The following ODAD2 variants were observed in gnomAD, a reference collection of about 807,000 sequenced individuals.
ODAD2 encodes outer dynein arm-docking complex subunit 2.
In ODAD2, 89 loss-of-function variants were observed where a neutral mutation model predicts 106.8. That is an observed-to-expected ratio of 0.83 (90% confidence interval 0.70 to 0.99). ODAD2 has a LOEUF of 0.99. Among genes scored for constraint, ODAD2 ranks in the 50% least tolerant of loss-of-function variants. The pLI is 0.00. For missense variants in ODAD2, 1,168 were observed against 1,238.5 expected (o/e 0.94, Z 0.85); for synonymous variants, 404 against 436.2 (o/e 0.93, Z 0.92).
At chr10:27,813,999 T>C (rs1003676653) in intron 19 of ODAD2, among the ~76,000 whole-genome samples, 8 of 152,178 alleles carry the variant, frequency 5.3e-5, no homozygotes, top group African/African-American at 1.9e-4. Flanking sequence ...TCTCACATCA[T>C]ACATAAATAG....
intron 17 of ODAD2, among the ~76,000 whole-genome samples, chr10:27,898,852 G>A (rs11006764): frequency 0.44 from 67,478 of 151,906 alleles, 16,704 homozygotes; most frequent in Middle Eastern, 0.6. Context: ...TTTTTTGGCT[G>A]TGATAACAAA....
At chr10:27,877,387 C>T (rs367837712) in intron 17 of ODAD2, among the ~76,000 whole-genome samples, 4 of 152,072 alleles carry the variant, frequency 2.6e-5, no homozygotes, top group East Asian at 1.9e-4. Context: ...CCAAAGTCCC[C>T]GTGAGATCAT....
At chr10:27,834,342 C>A (rs1407741151) in intron 19 of ODAD2, among the ~76,000 whole-genome samples, 1 of 152,192 alleles carries the variant, frequency 6.6e-6, no homozygotes, top group South Asian at 2.1e-4. Flanking sequence ...GGCGCTATCC[C>A]TTGGCCTTCT....
chr10:27,872,346 T>C (rs1177625137), intron 17 of ODAD2, among the ~76,000 whole-genome samples: 13 of 152,034 alleles, frequency 8.6e-5, no homozygotes, highest in African/African-American at 3.1e-4. Flanking sequence ...ATACCCTTTA[T>C]TTCTTTCTCC....
rs113664511 is a variant in ODAD2, at chr10:27,986,735, C to T, written c.382+651G>A. The stretch of plus-strand genomic sequence containing the variant: ...TACTTCTACTCATAAGAAACATTTA[C>T]CACACAATTATAGCAGGCAACCACA... On this transcript the variant is annotated intron_variant, in intron 3 of 19. Transcript: ENST00000305242. 5.6e-3 allele frequency among the ~76,000 whole-genome samples: 848 copies of T among 152,312 alleles called. 12 individuals carry two copies. Among genetic ancestry groups the T allele is most frequent in the African/African-American group, 0.019 (786 of 41,556 alleles).
intron 16 of ODAD2, among the ~76,000 whole-genome samples, chr10:27,923,927 G>A (rs1042526616): frequency 7.2e-6 from 1 of 138,108 alleles, no homozygotes; most frequent in African/African-American, 2.7e-5. Flanking sequence ...CCAGGTGATA[G>A]AGAGAGACCC....
At chr10:27,880,082 G>C (rs1361796565) in intron 17 of ODAD2, among the ~76,000 whole-genome samples, 1 of 152,120 alleles carries the variant, frequency 6.6e-6, no homozygotes. Flanking sequence ...AGCTATTTCA[G>C]CTTCATGTTA....
chr10:27,908,474 C>A (rs1404696045), intron 16 of ODAD2, among the ~76,000 whole-genome samples: 1 of 152,162 alleles, frequency 6.6e-6, no homozygotes, highest in African/African-American at 2.4e-5. Context: ...CATAACCTCG[C>A]AGTAAGGTCC....
intron 17 of ODAD2, among the ~76,000 whole-genome samples, chr10:27,869,615 A>G (rs1374697282): frequency 6.6e-6 from 1 of 151,500 alleles, no homozygotes; most frequent in Non-Finnish European, 1.5e-5. Flanking sequence ...GCTCACTGCA[A>G]CTTCCGCCCC....
intron 17 of ODAD2, among the ~76,000 whole-genome samples, chr10:27,879,533 C>A (rs1275679819): frequency 6.6e-6 from 1 of 151,932 alleles, no homozygotes; most frequent in Admixed American, 6.6e-5. Flanking sequence ...ATTCCCTGTT[C>A]AGGTTCAGAC....
At chr10:27,939,245 C>G (rs1479382094) in intron 14 of ODAD2, among the ~76,000 whole-genome samples, 4 of 152,146 alleles carry the variant, frequency 2.6e-5, no homozygotes, top group Non-Finnish European at 5.9e-5. Context: ...GCACCATGTA[C>G]TTATTTATCT....
chr10:27,843,964 C>T (rs1413710283), intron 19 of ODAD2, among the ~76,000 whole-genome samples: 2 of 152,302 alleles, frequency 1.3e-5, no homozygotes, highest in East Asian at 3.9e-4. Context: ...CTTTGGGAAG[C>T]TGAGGTCGGA....
intron 14 of ODAD2, among the ~76,000 whole-genome samples, chr10:27,938,694 G>C (rs1233228991): frequency 6.6e-6 from 1 of 151,498 alleles, no homozygotes; most frequent in African/African-American, 2.4e-5. Context: ...CCACCTCCCA[G>C]GTTCAAGTGA....
rs1835806678 is a variant in ODAD2, at chr10:27,812,366, T to C, written c.*146A>G. On this transcript the variant is annotated 3_prime_UTR_variant, in exon 20 of 20. Coordinates refer to ENST00000305242, the MANE Select transcript of ODAD2 (RefSeq NM_018076.5). ...CCATGCAATTTTCAGATGAAAAACA[T>C]TCTGTGCATTTTCAATTTGTGTGTT... 2 of 685,702 alleles carry C rather than the reference T, an allele frequency of 2.9e-6. No homozygotes were observed. Among genetic ancestry groups the C allele is most frequent in the Non-Finnish European group, 4.7e-6 (2 of 423,226 alleles). 42.5% of individuals were successfully genotyped at this position (685,702 alleles called of 1,614,324 possible).
At chr10:27,909,898 A>G (rs544667423) in intron 16 of ODAD2, among the ~76,000 whole-genome samples, 51 of 152,012 alleles carry the variant, frequency 3.4e-4, no homozygotes, top group Admixed American at 3.1e-3. Flanking sequence ...ATTGAAAAAC[A>G]TTTGCAACCA....
At chr10:27,976,438 T>C (rs1368926161) in intron 7 of ODAD2, among the ~76,000 whole-genome samples, 1 of 151,990 alleles carries the variant, frequency 6.6e-6, no homozygotes, top group African/African-American at 2.4e-5. Context: ...CATACAAAAA[T>C]CAAGTGTATA....
chr10:27,924,192 T>C (rs556975237), intron 16 of ODAD2, among the ~76,000 whole-genome samples: 182 of 151,996 alleles, frequency 1.2e-3, no homozygotes, highest in Non-Finnish European at 1.9e-3. Context: ...GATCAAAATG[T>C]AGTATGAGAA....
chr10:27,849,442 C>T (rs1429736110), intron 19 of ODAD2, among the ~76,000 whole-genome samples: 3 of 151,830 alleles, frequency 2.0e-5, no homozygotes, highest in Non-Finnish European at 4.4e-5. Flanking sequence ...AGGAGATACA[C>T]CTAATGTAAA....
At chr10:27,843,827 G>A (rs1283443928) in intron 19 of ODAD2, among the ~76,000 whole-genome samples, 1 of 152,060 alleles carries the variant, frequency 6.6e-6, no homozygotes, top group Non-Finnish European at 1.5e-5. Context: ...GTCTGAAGAT[G>A]CAATATACAT....
Sources: allele counts gnomAD v4.1 joint callset (sites outside exome capture counted in the v4.1 genomes callset), GRCh38; gene constraint gnomAD v4.1.1; transcripts MANE v1.5; gene names NCBI Gene and HGNC (gene_info 2026-07-23, HGNC 2026-07-21).